The following KLHL6 variants were observed in gnomAD, a reference collection of about 807,000 sequenced individuals.
KLHL6 encodes kelch like family member 6.
KLHL6 carries 41 observed loss-of-function variants against 58.6 expected under a neutral mutation model. The ratio of observed to expected loss-of-function variants is 0.70; its 90% CI spans 0.55 to 0.91. KLHL6 has a LOEUF of 0.91. Ranked by LOEUF, KLHL6 falls within the 40% of genes least tolerant of loss-of-function variation. The pLI, the probability that KLHL6 is intolerant of heterozygous loss-of-function variation, is 0.00. For synonymous variants in KLHL6, 338 were observed against 322.7 expected (o/e 1.05, Z -0.51); for missense variants, 714 against 805.6 (o/e 0.89, Z 1.38).
At chr3:183,529,491 G>T (rs999147825) in intron 1 of KLHL6, among the ~76,000 whole-genome samples, 58 of 151,900 alleles carry the variant, frequency 3.8e-4, no homozygotes, top group African/African-American at 1.4e-3. Context: ...AACATTTCTG[G>T]AATTTTGGAA....
intron 4 of KLHL6, among the ~76,000 whole-genome samples, chr3:183,498,243 A>AAAAAT (rs1377283000): frequency 6.6e-6 from 1 of 152,228 alleles, no homozygotes; most frequent in Admixed American, 6.5e-5. Context: ...CAAAAAAATA[A>AAAAAT]AAAATAAAAT....
At position 183,489,099 on chromosome 3, in the gene KLHL6, C is replaced by A. The variant is rs1374436511; in HGVS notation, c.*2828G>T. On this transcript the variant is annotated 3_prime_UTR_variant, in exon 7 of 7. Transcript: ENST00000341319. Reference sequence around the variant, plus strand: ...CCTCACTTTCCCAGCATAGGGTTGACCTGCTGATGGGCTCGAAGTTTGCCT... The same window carrying A: ...CCTCACTTTCCCAGCATAGGGTTGAACTGCTGATGGGCTCGAAGTTTGCCT... 1.3e-5 allele frequency: 2 copies of A among 152,158 alleles called. No individual in the cohort carries two copies. The highest frequency in any genetic ancestry group is 2.9e-5 in the Non-Finnish European group (2 of 68,022). The allele number at this position is 152,158 out of a possible 1,614,324, so 9.4% of individuals were successfully genotyped here. A position where few individuals can be genotyped will look rare whatever the true frequency, so the allele number is the denominator to read the frequency against.
At chr3:183,494,027 A>G in intron 5 of KLHL6, 52 bp downstream of exon 5, 1 of 1,522,312 alleles carries the variant, frequency 6.6e-7, no homozygotes, top group South Asian at 1.1e-5. Flanking sequence ...CTTTTTAAAA[A>G]AGCACTGAAG....
intron 2 of KLHL6, among the ~76,000 whole-genome samples, chr3:183,525,269 A>AACACAC (rs1553811030): frequency 1.5e-5 from 2 of 133,868 alleles, no homozygotes; most frequent in East Asian, 4.2e-4. Flanking sequence ...CTAAAAAAAA[A>AACACAC]ACACACACAC....
chr3:183,541,088 C>A (rs1398384196), intron 1 of KLHL6, among the ~76,000 whole-genome samples: 1 of 152,202 alleles, frequency 6.6e-6, no homozygotes, highest in Non-Finnish European at 1.5e-5. Context: ...TTTTTCTGAG[C>A]CTTCCCTGGT....
chr3:183,502,758 AC>A (rs1302546455), intron 3 of KLHL6, among the ~76,000 whole-genome samples: 1 of 152,142 alleles, frequency 6.6e-6, no homozygotes, highest in Non-Finnish European at 1.5e-5. Context: ...TTCATAAGAG[AC>A]CCTGAGCCAG....
At chr3:183,537,155 C>G (rs1224721001) in intron 1 of KLHL6, among the ~76,000 whole-genome samples, 4 of 152,222 alleles carry the variant, frequency 2.6e-5, no homozygotes, top group Admixed American at 2.0e-4. Flanking sequence ...AGGCCTCCTG[C>G]TGCTCCTCTG....
At position 183,527,953 on chromosome 3, in the gene KLHL6, C is replaced by T. The variant is rs762958807; in HGVS notation, c.351G>A (p.Gly117=). The T allele has an allele frequency of 2.5e-6, 4 of 1,613,982 alleles. No homozygotes were observed. In the South Asian group the frequency reaches 4.4e-5, roughly 18 times the overall value. Residue 117 remains glycine (G), a synonymous_variant, in exon 2 of 7, where the codon GGG becomes GGA. Coordinates refer to ENST00000341319, the MANE Select transcript of KLHL6 (RefSeq NM_130446.4). ...EKYEKRIIIK[G]VDAETMHTLL... ...GAGTGTGCATGGTCTCAGCATCAAC[C>T]CCTTTAATAATGATCCTTTTCTCAT...
chr3:183,548,403 A>G (rs1011921756), intron 1 of KLHL6, among the ~76,000 whole-genome samples: 8 of 152,176 alleles, frequency 5.3e-5, no homozygotes, highest in Admixed American at 2.0e-4. Context: ...CTTCATGCAT[A>G]GAAAAGCTTC....
chr3:183,513,493 C>T (rs1275129119), intron 2 of KLHL6, among the ~76,000 whole-genome samples: 1 of 152,206 alleles, frequency 6.6e-6, no homozygotes, highest in Non-Finnish European at 1.5e-5. Context: ...CTCAGATGAC[C>T]TGATCTGCCC....
intron 1 of KLHL6, among the ~76,000 whole-genome samples, chr3:183,550,383 T>C (rs1327173318): frequency 6.6e-6 from 1 of 152,094 alleles, no homozygotes; most frequent in Non-Finnish European, 1.5e-5. Flanking sequence ...ATTAAAAGGG[T>C]TCATCAAATG....
Position 183,555,626 on chromosome 3 carries a change from A to G in KLHL6, c.28T>C (p.Trp10Arg). The G allele has an allele frequency of 1.2e-6, 2 of 1,606,072 alleles. No homozygotes were observed. Among genetic ancestry groups the G allele is most frequent in the East Asian group, 4.5e-5 (2 of 44,802 alleles). The change falls in exon 1 of 7, where the codon TGG (tryptophan) becomes CGG (arginine). Residue 10 changes from tryptophan to arginine, a missense_variant. Around this residue, in one of 2 missense-constraint regions of KLHL6, gnomAD observed 204 missense variants for 175.9 expected, o/e 1.16. Coordinates refer to ENST00000341319, the MANE Select transcript of KLHL6 (RefSeq NM_130446.4). The part of the protein sequence containing the change: MLMAGQRGA[W>R]TMGDVVEKSL... ...TTCTCGACCACATCACCCATGGTCC[A>G]GGCGCCCCTTTGTCCTGCCATCAAC...
intron 1 of KLHL6, among the ~76,000 whole-genome samples, chr3:183,537,989 G>A (rs1216374769): frequency 6.6e-6 from 1 of 152,098 alleles, no homozygotes; most frequent in East Asian, 1.9e-4. Context: ...TAGGGAAAGT[G>A]AGTGAATGAA....
chr3:183,547,812 G>A (rs1190950870), intron 1 of KLHL6, among the ~76,000 whole-genome samples: 1 of 152,102 alleles, frequency 6.6e-6, no homozygotes, highest in Admixed American at 6.5e-5. Context: ...TCACTTTGAT[G>A]GGAAGAGTGG....
At position 183,492,332 on chromosome 3, in the gene KLHL6, G is replaced by T; in HGVS notation, c.1565-104C>A. On this transcript the variant is annotated intron_variant, in intron 6 of 6. Coordinates refer to ENST00000341319, the MANE Select transcript of KLHL6 (RefSeq NM_130446.4). The surrounding 1 kb of genome is among the most constrained non-coding windows in gnomAD (Gnocchi z 5.9). ...CTGATTAGGCCAAGTCTACCCTCTT[G>T]CCAAGAGAAACAGTCGATTGATGGC... The T allele has an allele frequency of 7.5e-7, 1 of 1,339,576 alleles. No individual in the cohort carries two copies. Among genetic ancestry groups the T allele is most frequent in the Non-Finnish European group, 1.0e-6 (1 of 983,498 alleles). The allele number at this position is 1,339,576 out of a possible 1,614,324, so 83.0% of individuals were successfully genotyped here.
At chr3:183,511,338 G>A (rs1177400292) in intron 2 of KLHL6, among the ~76,000 whole-genome samples, 2 of 152,212 alleles carry the variant, frequency 1.3e-5, no homozygotes, top group African/African-American at 4.8e-5. Flanking sequence ...CTCGCCTCCC[G>A]CCACAGGGCG....
chr3:183,513,462 T>C (rs1470082470), intron 2 of KLHL6, among the ~76,000 whole-genome samples: 1 of 152,222 alleles, frequency 6.6e-6, no homozygotes, highest in Non-Finnish European at 1.5e-5. Context: ...CCAAACGTCA[T>C]TTGCACACGT....
intron 1 of KLHL6, among the ~76,000 whole-genome samples, chr3:183,553,895 A>G (rs2108703501): frequency 6.6e-6 from 1 of 152,180 alleles, no homozygotes; most frequent in African/African-American, 2.4e-5. Flanking sequence ...TGTCTTATCA[A>G]CACAGGAGAC....
chr3:183,498,890 G>C (rs1297746802), intron 4 of KLHL6, among the ~76,000 whole-genome samples: 1 of 152,212 alleles, frequency 6.6e-6, no homozygotes, highest in African/African-American at 2.4e-5. Flanking sequence ...ATAGACATGG[G>C]AGGGGAAGGG....
Sources: gnomAD v4.1 joint callset for allele counts (sites outside exome capture counted in the v4.1 genomes callset) on GRCh38, gnomAD v4.1.1 for gene constraint, gnomAD v4.1.1 regional missense constraint, Gnocchi (gnomAD v3.1) non-coding constraint, MANE v1.5 for transcripts, NCBI Gene and HGNC (gene_info 2026-07-23, HGNC 2026-07-21) for gene names.